Variants in TRAK1 observed in about 807,000 individuals in gnomAD.
TRAK1 encodes trafficking kinesin protein 1.
A neutral mutation model predicts 92.1 loss-of-function variants in TRAK1; 33 were observed. The observed-to-expected ratio is 0.36, with a 90% confidence interval of 0.27 to 0.48. TRAK1 has a LOEUF of 0.48. Ranked by LOEUF, TRAK1 falls within the 20% of genes least tolerant of loss-of-function variation. TRAK1 has a pLI of 0.99. For synonymous variants in TRAK1, 521 were observed against 517.3 expected, an observed-to-expected ratio of 1.01 and a Z score of -0.10; for missense variants, 1,123 against 1,257.9, an observed-to-expected ratio of 0.89 and a Z score of 1.62.
intron 1 of TRAK1, among the ~76,000 whole-genome samples, chr3:42,113,368 G>A (rs118140508): frequency 7.8e-6 from 1 of 128,810 alleles, no homozygotes; most frequent in Non-Finnish European, 1.5e-5. Flanking sequence ...CTACGCCTAC[G>A]CCTACCCCTA....
intron 1 of TRAK1, among the ~76,000 whole-genome samples, chr3:42,098,892 G>A (rs76279526): frequency 0.034 from 5,184 of 152,176 alleles, 117 homozygotes; most frequent in Non-Finnish European, 0.052. Context: ...GAGGGAGGCC[G>A]AGCCTTAGGC....
chr3:42,085,384 G>T (rs1477431882), upstream of TRAK1, among the ~76,000 whole-genome samples: 2 of 152,108 alleles, frequency 1.3e-5, no homozygotes, highest in Non-Finnish European at 2.9e-5. Context: ...GTCCAGGCTG[G>T]CCTCAAACTC....
chr3:42,217,022 T>C (rs1023161648), intron 14 of TRAK1, among the ~76,000 whole-genome samples: 8 of 152,000 alleles, frequency 5.3e-5, no homozygotes, highest in South Asian at 4.2e-4. Flanking sequence ...ATGGGCTTGG[T>C]GACTTCACAG....
chr3:42,207,919 T>C (rs1441053291), intron 13 of TRAK1, among the ~76,000 whole-genome samples: 1 of 152,202 alleles, frequency 6.6e-6, no homozygotes. Flanking sequence ...GGGGCTGTCC[T>C]GTACATTGTG....
Position 42,189,117 on chromosome 3 carries a change from G to T in TRAK1, c.683G>T (p.Arg228Leu). 6.2e-7 allele frequency: 1 copy of T among 1,612,140 alleles called. No individual in the cohort carries two copies. The highest frequency in any genetic ancestry group is 1.1e-5 in the South Asian group (1 of 91,018). Reference protein sequence around the residue: ...KDLEEENVVLRSEASQLKTET... With the variant: ...KDLEEENVVLLSEASQLKTET... ...CTTGAAGAGGAGAATGTTGTACTTC[G>T]ATCCGAGGTGATGTGCCCTCCCTTC... Residue 228 changes from arginine to leucine, a missense_variant, in exon 6 of 16, where the codon CGA becomes CTA. Arg to Leu is a moderately radical substitution (Grantham distance 102). Coordinates refer to ENST00000327628, the MANE Select transcript of TRAK1 (RefSeq NM_001042646.3).
At chr3:42,111,896 A>ATGC (rs536661193) in intron 1 of TRAK1, among the ~76,000 whole-genome samples, 24 of 149,892 alleles carry the variant, frequency 1.6e-4, no homozygotes, top group African/African-American at 5.4e-4. Context: ...GTTTTGAAAG[A>ATGC]TGCTGTGGGC....
intron 4 of TRAK1, among the ~76,000 whole-genome samples, chr3:42,187,068 AC>A (rs1450303109): frequency 6.6e-6 from 1 of 152,244 alleles, no homozygotes; most frequent in Non-Finnish European, 1.5e-5. Context: ...AACCTTAAGT[AC>A]AAATCAGGGT....
At chr3:42,048,849 G>A (rs1702866398) in intron 1 of TRAK1, among the ~76,000 whole-genome samples, 1 of 152,042 alleles carries the variant, frequency 6.6e-6, no homozygotes, top group African/African-American at 2.4e-5. Context: ...ACAGATGTGA[G>A]CCACTGTGCC....
chr3:42,022,690 C>T (rs1701763204), intron 1 of TRAK1, among the ~76,000 whole-genome samples: 1 of 150,594 alleles, frequency 6.6e-6, no homozygotes, highest in Admixed American at 6.7e-5. Context: ...CCATTGTACT[C>T]CGGCCTAGGC....
intron 1 of TRAK1, among the ~76,000 whole-genome samples, chr3:42,052,437 G>A (rs956922310): frequency 6.6e-6 from 1 of 152,184 alleles, no homozygotes; most frequent in Admixed American, 6.5e-5. Context: ...TCTGGGTTTG[G>A]GGGTTGCTCC....
At chr3:42,035,460 C>G (rs955069882) in intron 1 of TRAK1, among the ~76,000 whole-genome samples, 2 of 152,198 alleles carry the variant, frequency 1.3e-5, no homozygotes, top group African/African-American at 4.8e-5. Flanking sequence ...TCCCGGCTGA[C>G]CACCACTGCC....
chr3:42,221,304 G>A (rs1393195407), intron 15 of TRAK1, among the ~76,000 whole-genome samples: 1 of 152,098 alleles, frequency 6.6e-6, no homozygotes, highest in Non-Finnish European at 1.5e-5. Flanking sequence ...GGAATTTGTT[G>A]TGGTTTCTAA....
intron 3 of TRAK1, 110 bp from the exon 4 acceptor site, chr3:42,184,575 C>A: frequency 9.3e-7 from 1 of 1,071,084 alleles, no homozygotes; most frequent in Non-Finnish European, 1.4e-6. Context: ...TTATTAATTC[C>A]TTTGTTATTT....
At chr3:42,219,333 T>C in intron 14 of TRAK1, 161 bp from the exon 15 acceptor site, 1 of 985,384 alleles carries the variant, frequency 1.0e-6, no homozygotes, top group South Asian at 4.7e-5. Context: ...TTTTGAGGAC[T>C]CGCCTTCAAT....
At chr3:42,091,801 C>T (rs1242147280) in intron 1 of TRAK1, among the ~76,000 whole-genome samples, 1 of 152,070 alleles carries the variant, frequency 6.6e-6, no homozygotes, top group East Asian at 1.9e-4. Flanking sequence ...GTCCCCTTGC[C>T]CAGGCTCAGT....
At chr3:42,027,830 C>G (rs957491867) in intron 1 of TRAK1, among the ~76,000 whole-genome samples, 1 of 152,188 alleles carries the variant, frequency 6.6e-6, no homozygotes, top group Admixed American at 6.5e-5. Context: ...AAGTAGGAAG[C>G]CTTTTATCTC....
At chr3:42,167,844 C>T (rs1006139111) in intron 2 of TRAK1, among the ~76,000 whole-genome samples, 7 of 152,230 alleles carry the variant, frequency 4.6e-5, no homozygotes, top group Non-Finnish European at 2.9e-5. Flanking sequence ...CACGCCACTG[C>T]ACTCCAGCCT....
chr3:42,015,419 A>G (rs996803764), intron 1 of TRAK1, among the ~76,000 whole-genome samples: 13 of 151,596 alleles, frequency 8.6e-5, no homozygotes, highest in African/African-American at 3.2e-4. Flanking sequence ...CGCTCGCTTG[A>G]GGGTGTCTCC....
intron 3 of TRAK1, among the ~76,000 whole-genome samples, chr3:42,178,687 CT>C (rs1703556641): frequency 6.6e-6 from 1 of 152,016 alleles, no homozygotes; most frequent in Admixed American, 6.6e-5. Flanking sequence ...TCAAACAGTC[CT>C]CCTGGCCTGG....
Sources: gnomAD v4.1 joint callset for allele counts (sites outside exome capture counted in the v4.1 genomes callset) on GRCh38, gnomAD v4.1.1 for gene constraint, MANE v1.5 for transcripts, NCBI Gene and HGNC (gene_info 2026-07-23, HGNC 2026-07-21) for gene names.